The following ALK variants were observed in gnomAD, a reference collection of about 807,000 sequenced individuals.
ALK encodes ALK tyrosine kinase receptor.
In ALK, 74 loss-of-function variants were observed where a neutral mutation model predicts 163.1. The ratio of observed to expected loss-of-function variants is 0.45; its 90% CI spans 0.38 to 0.55. The LOEUF (loss-of-function observed/expected upper bound fraction) is 0.55. Ranked by LOEUF, ALK falls within the 20% of genes least tolerant of loss-of-function variation. The pLI is 0.00. For synonymous variants in ALK, 960 were observed against 843.2 expected, an observed-to-expected ratio of 1.14 and a Z score of -2.40; for missense variants, 2,063 against 2,105.3, an observed-to-expected ratio of 0.98 and a Z score of 0.39.
chr2:29,744,815 C>CGA lies in ALK; in HGVS notation c.668-27120_668-27119dup, dbSNP rs1680165906. 3.3e-5 allele frequency among the ~76,000 whole-genome samples: 5 copies of CGA among 151,950 alleles called. No individual in the cohort carries two copies. The South Asian group carries it at 8.4e-4, about 25-fold the overall frequency. ...AACACGGTTTCAAGATGGGGGGTAC[C>CGA]GAGAGAGAGAGCAGATGGAAGCTGT... On this transcript the variant is annotated intron_variant, in intron 1 of 28. Coordinates refer to ENST00000389048, the MANE Select transcript of ALK (RefSeq NM_004304.5).
chr2:29,339,894 C>T (rs778456720), intron 5 of ALK, among the ~76,000 whole-genome samples: 11 of 152,188 alleles, frequency 7.2e-5, no homozygotes, highest in East Asian at 5.8e-4. Flanking sequence ...TACTGAGAAC[C>T]GCCAAGATTC....
intron 1 of ALK, among the ~76,000 whole-genome samples, chr2:29,726,202 C>A (rs1458659185): frequency 2.6e-5 from 4 of 152,148 alleles, no homozygotes; most frequent in Admixed American, 6.5e-5. Flanking sequence ...ATTAGCAGGG[C>A]AACATGACTC....
At chr2:29,432,073 C>T (rs191208599) in intron 4 of ALK, among the ~76,000 whole-genome samples, 3 of 152,238 alleles carry the variant, frequency 2.0e-5, no homozygotes, top group Admixed American at 2.0e-4. Context: ...ACCACCTCAA[C>T]CCCTGAAGCC....
At chr2:29,746,383 G>T (rs1680209034) in intron 1 of ALK, among the ~76,000 whole-genome samples, 1 of 152,212 alleles carries the variant, frequency 6.6e-6, no homozygotes, top group African/African-American at 2.4e-5. Context: ...GTTTGGACTA[G>T]GTCCATGCAT....
intron 8 of ALK, 78 bp from the exon 9 acceptor site, chr2:29,297,135 C>T: frequency 6.4e-7 from 1 of 1,568,182 alleles, no homozygotes; most frequent in Middle Eastern, 1.7e-4. Flanking sequence ...ACTGAAGTTT[C>T]AAGGACCTTA....
At chr2:29,857,280 A>G (rs1452367256) in intron 1 of ALK, among the ~76,000 whole-genome samples, 1 of 152,194 alleles carries the variant, frequency 6.6e-6, no homozygotes, top group East Asian at 1.9e-4. Context: ...TAGTTCTGCA[A>G]CTTAAAAGAT....
chr2:29,737,255 G>A (rs778888766), intron 1 of ALK, among the ~76,000 whole-genome samples: 1 of 151,986 alleles, frequency 6.6e-6, no homozygotes, highest in Non-Finnish European at 1.5e-5. Context: ...AATGTTAGGG[G>A]TAGATATCTT....
chr2:29,283,487 G>C (rs13027073), intron 9 of ALK, among the ~76,000 whole-genome samples: 1 of 152,094 alleles, frequency 6.6e-6, no homozygotes, highest in Non-Finnish European at 1.5e-5. Flanking sequence ...ACATGGTACC[G>C]AGATGGCAGC....
At chr2:29,549,530 G>A (rs1256613531) in intron 3 of ALK, among the ~76,000 whole-genome samples, 1 of 152,168 alleles carries the variant, frequency 6.6e-6, no homozygotes. Context: ...AAATGTGGCT[G>A]ACGTGACTGA....
At chr2:29,523,193 TG>T (rs1450801842) in intron 4 of ALK, among the ~76,000 whole-genome samples, 1 of 152,180 alleles carries the variant, frequency 6.6e-6, no homozygotes, top group African/African-American at 2.4e-5. Context: ...GGCGGTCCTT[TG>T]CACACGTGCA....
intron 3 of ALK, among the ~76,000 whole-genome samples, chr2:29,538,189 T>TG (rs374825051): frequency 0.017 from 2,580 of 151,840 alleles, 74 homozygotes; most frequent in African/African-American, 0.056. Context: ...ACATGATATT[T>TG]GGGGGGGGCA....
intron 4 of ALK, among the ~76,000 whole-genome samples, chr2:29,516,897 G>A (rs927006584): frequency 2.0e-4 from 30 of 152,318 alleles, no homozygotes; most frequent in African/African-American, 7.0e-4. Context: ...TCTATCTCTG[G>A]TCAGGGATGC....
At chr2:29,278,974 G>A (rs1204768649) in intron 9 of ALK, among the ~76,000 whole-genome samples, 1 of 25,564 alleles carries the variant, frequency 3.9e-5, no homozygotes, top group Non-Finnish European at 3.6e-4. Context: ...TGACATGTGT[G>A]TGCCTGGGGG....
chr2:29,492,643 G>A (rs1379361748), intron 4 of ALK, among the ~76,000 whole-genome samples: 1 of 152,080 alleles, frequency 6.6e-6, no homozygotes. Context: ...AAAAAGCCAA[G>A]AATATGGGTG....
intron 5 of ALK, among the ~76,000 whole-genome samples, chr2:29,380,576 G>A (rs984847057): frequency 1.3e-5 from 2 of 152,088 alleles, no homozygotes; most frequent in East Asian, 1.9e-4. Context: ...GTGCCACCAC[G>A]CCTGGCTAAT....
intron 5 of ALK, among the ~76,000 whole-genome samples, chr2:29,361,025 C>T (rs1668373685): frequency 6.6e-6 from 1 of 152,184 alleles, no homozygotes; most frequent in Non-Finnish European, 1.5e-5. Context: ...TTGAGGGAGG[C>T]CCCGAGGCCA....
intron 1 of ALK, among the ~76,000 whole-genome samples, chr2:29,893,523 T>C (rs1463457692): frequency 6.6e-6 from 1 of 152,190 alleles, no homozygotes; most frequent in Non-Finnish European, 1.5e-5. Context: ...ACTAACAACC[T>C]CCCGAATTTG....
chr2:29,882,108 C>T (rs894638250), intron 1 of ALK, among the ~76,000 whole-genome samples: 2 of 152,174 alleles, frequency 1.3e-5, no homozygotes, highest in African/African-American at 2.4e-5. Flanking sequence ...TAAACTTAAT[C>T]ATTTCTAAGC....
Position 29,214,101 on chromosome 2 carries a change from G to A in ALK, c.3646-20C>T, listed in dbSNP as rs778921889. 11 of 1,605,950 alleles carry A rather than the reference G, an allele frequency of 6.8e-6. No individual in the cohort carries two copies. The African/African-American group carries it at 1.2e-4, about 18-fold the overall frequency. ...CTGGCTCTGTGGGGAGACAGAAGCG[G>A]GCCACTGACGAGGAGCTTGTCAGTG... On this transcript the variant is annotated intron_variant, in intron 23 of 28. Transcript: ENST00000389048.
Sources: allele counts gnomAD v4.1 joint callset (sites outside exome capture counted in the v4.1 genomes callset), GRCh38; gene constraint gnomAD v4.1.1; transcripts MANE v1.5; gene names NCBI Gene and HGNC (gene_info 2026-07-23, HGNC 2026-07-21).